Variants in GRIP1 observed in about 807,000 individuals in gnomAD.
GRIP1 encodes the protein glutamate receptor interacting protein 1, also known as glutamate receptor-interacting protein 1.
In GRIP1, 45 loss-of-function variants were observed where a neutral mutation model predicts 129.9. That is an observed-to-expected ratio of 0.35 (90% CI 0.27 to 0.44). The LOEUF (loss-of-function observed/expected upper bound fraction) is 0.44. Among genes scored for constraint, GRIP1 ranks in the 20% least tolerant of loss-of-function variants. The probability of loss-of-function intolerance (pLI) is 1.00; values close to 1 mark genes in which losing one functional copy is unlikely to be tolerated. For missense variants in GRIP1, 1,196 were observed against 1,396.8 expected (o/e 0.86, Z 2.29); for synonymous variants, 530 against 520.8 (o/e 1.02, Z -0.24).
chr12:67,027,054 C>T (rs2042951411), intron 1 of GRIP1, among the ~76,000 whole-genome samples: 1 of 152,198 alleles, frequency 6.6e-6, no homozygotes, highest in African/African-American at 2.4e-5. Flanking sequence ...ACCTGAGTAG[C>T]TGGGAATACA....
intron 1 of GRIP1, among the ~76,000 whole-genome samples, chr12:66,625,335 T>C (rs1336994957): frequency 6.6e-6 from 1 of 152,234 alleles, no homozygotes; most frequent in African/African-American, 2.4e-5. Flanking sequence ...ATCTGGGTTA[T>C]GCATCCTACT....
At chr12:66,562,014 G>A (rs1330481611) in intron 2 of GRIP1, among the ~76,000 whole-genome samples, 5 of 152,064 alleles carry the variant, frequency 3.3e-5, no homozygotes, top group Non-Finnish European at 7.4e-5. Flanking sequence ...GTGTTGAGGT[G>A]AGAGGATTGC....
intron 2 of GRIP1, among the ~76,000 whole-genome samples, chr12:66,560,155 T>C (rs529893343): frequency 1.3e-4 from 20 of 152,212 alleles, no homozygotes; most frequent in African/African-American, 4.6e-4. Flanking sequence ...TCTTGCCATA[T>C]ACAAAAATCA....
intron 1 of GRIP1, among the ~76,000 whole-genome samples, chr12:66,915,424 T>C (rs1194789683): frequency 1.3e-5 from 2 of 152,146 alleles, no homozygotes; most frequent in Non-Finnish European, 2.9e-5. Context: ...GGGAGGGAGC[T>C]GTCTAGACAA....
At chr12:66,770,922 C>G (rs766729181) in intron 1 of GRIP1, among the ~76,000 whole-genome samples, 1 of 151,998 alleles carries the variant, frequency 6.6e-6, no homozygotes. Flanking sequence ...GGTGAAACTC[C>G]ATCTCTACTA....
At chr12:66,641,232 A>G (rs2031896382) in intron 1 of GRIP1, among the ~76,000 whole-genome samples, 2 of 152,168 alleles carry the variant, frequency 1.3e-5, no homozygotes, top group Admixed American at 6.5e-5. Context: ...ACAGAAACAG[A>G]TGTCTGCAGT....
intron 2 of GRIP1, among the ~76,000 whole-genome samples, chr12:66,549,884 T>C (rs116671221): frequency 1.5e-3 from 82 of 56,204 alleles, no homozygotes; most frequent in Non-Finnish European, 1.6e-3. Context: ...TGTTTCCTAT[T>C]GCACCTCCAA....
rs534810783 is a variant in GRIP1 at position 66,492,534 on chromosome 12, C to T, written c.724+23085G>A. Among the ~76,000 whole-genome samples, 3 of 152,252 alleles carry T rather than the reference C, an allele frequency of 2.0e-5. No individual in the cohort carries two copies. In the East Asian group the frequency reaches 5.8e-4, roughly 29 times the overall value. On this transcript the variant is annotated intron_variant, in intron 7 of 24. Transcript: ENST00000359742. ...GCACCAGCTGAGACCAGCATGACCG[C>T]TGTGTAGAAGTAATAAGCACACAGT...
chr12:66,723,055 T>G (rs912557397), intron 1 of GRIP1, among the ~76,000 whole-genome samples: 10 of 151,000 alleles, frequency 6.6e-5, no homozygotes, highest in Non-Finnish European at 2.9e-5. Flanking sequence ...CACCCTATAC[T>G]GATCCATCAG....
chr12:66,806,398 A>G (rs971988513), upstream of GRIP1, among the ~76,000 whole-genome samples: 3 of 152,152 alleles, frequency 2.0e-5, no homozygotes, highest in Non-Finnish European at 2.9e-5. Context: ...TTTTTAATGG[A>G]CCAAACATAT....
intron 2 of GRIP1, among the ~76,000 whole-genome samples, chr12:66,560,607 CA>C (rs1227785333): frequency 6.6e-6 from 1 of 151,878 alleles, no homozygotes; most frequent in Non-Finnish European, 1.5e-5. Flanking sequence ...CAGAGAAATC[CA>C]AATCAAAACT....
intron 1 of GRIP1, among the ~76,000 whole-genome samples, chr12:66,917,042 C>G (rs1352746177): frequency 1.3e-5 from 2 of 152,112 alleles, no homozygotes; most frequent in Non-Finnish European, 2.9e-5. Flanking sequence ...ATTTTATTAT[C>G]TATTTTCTGG....
chr12:66,442,202 T>G (rs1437434723), intron 13 of GRIP1, among the ~76,000 whole-genome samples: 1 of 152,200 alleles, frequency 6.6e-6, no homozygotes, highest in African/African-American at 2.4e-5. Flanking sequence ...CATTAGTCGG[T>G]CTCTCTAACC....
intron 1 of GRIP1, among the ~76,000 whole-genome samples, chr12:66,855,750 T>C (rs774779816): frequency 1.3e-5 from 2 of 152,010 alleles, no homozygotes; most frequent in Non-Finnish European, 2.9e-5. Flanking sequence ...GCTGGAGACA[T>C]GAACAGAACT....
At chr12:66,530,142 A>C (rs1482454018) in intron 4 of GRIP1, among the ~76,000 whole-genome samples, 1 of 152,222 alleles carries the variant, frequency 6.6e-6, no homozygotes, top group Non-Finnish European at 1.5e-5. Context: ...AAACAAAATC[A>C]TAGCTAGCTC....
At chr12:66,465,233 A>G in intron 8 of GRIP1, 42 bp downstream of exon 8, 1 of 1,584,122 alleles carries the variant, frequency 6.3e-7, no homozygotes, top group Middle Eastern at 1.7e-4. Flanking sequence ...GGCGTGAGCC[A>G]CTGCGCCTGG....
chr12:66,731,337 T>C (rs1206527125), intron 1 of GRIP1, among the ~76,000 whole-genome samples: 1 of 152,236 alleles, frequency 6.6e-6, no homozygotes, highest in East Asian at 1.9e-4. Context: ...TATTAAATTG[T>C]GTCATAAAAT....
chr12:66,799,055 G>A (rs968582552), intron 1 of GRIP1, among the ~76,000 whole-genome samples: 2 of 152,110 alleles, frequency 1.3e-5, no homozygotes, highest in East Asian at 1.9e-4. Context: ...CCAGTTCCAC[G>A]ACAATCAGTG....
At chr12:66,914,630 T>C (rs961130621) in intron 1 of GRIP1, among the ~76,000 whole-genome samples, 1 of 152,222 alleles carries the variant, frequency 6.6e-6, no homozygotes, top group Non-Finnish European at 1.5e-5. Context: ...GAGTCTACTT[T>C]AAACTACATA....
Sources: allele counts gnomAD v4.1 joint callset (sites outside exome capture counted in the v4.1 genomes callset), GRCh38; gene constraint gnomAD v4.1.1; transcripts MANE v1.5; gene names NCBI Gene and HGNC (gene_info 2026-07-23, HGNC 2026-07-21).